Variants in ATP2A2 observed in about 807,000 individuals in gnomAD.
ATP2A2 encodes the protein ATPase sarcoplasmic/endoplasmic reticulum Ca2+ transporting 2, also known as sarcoplasmic/endoplasmic reticulum calcium ATPase 2.
ATP2A2 carries 14 observed loss-of-function variants against 109.3 expected under a neutral mutation model. That is an observed-to-expected ratio of 0.13 (90% CI 0.08 to 0.20). The LOEUF is 0.20. Among genes scored for constraint, ATP2A2 ranks in the 10% least tolerant of loss-of-function variants. The pLI, the probability that ATP2A2 is intolerant of heterozygous loss-of-function variation, is 1.00. For synonymous variants in ATP2A2, 506 were observed against 490.9 expected, an observed-to-expected ratio of 1.03 and a Z score of -0.41; for missense variants, 657 against 1,321.6, an observed-to-expected ratio of 0.50 and a Z score of 7.80.
In ATP2A2 at chr12:110,347,696, G is replaced by C. The variant is rs913930086; in HGVS notation, c.*1226G>C. ...CACCGTTACTACGATCAATGTTTGC[G>C]CATGTTCGAGATGAGTCTCACCAAC... is the stretch of plus-strand genomic sequence containing the variant. On this transcript the variant is annotated 3_prime_UTR_variant, in exon 20 of 20. Transcript: ENST00000539276. 7.7e-6 allele frequency: 9 copies of C among 1,167,246 alleles called. No homozygotes were observed. Among genetic ancestry groups the C allele is most frequent in the Non-Finnish European group, 8.6e-6 (8 of 930,576 alleles). 72.3% of individuals were successfully genotyped at this position (1,167,246 alleles called of 1,614,324 possible). A position where few individuals can be genotyped will look rare whatever the true frequency, so the allele number is the denominator to read the frequency against.
chr12:110,346,634 G>C lies in ATP2A2; in HGVS notation c.*164G>C, dbSNP rs1173274597. ...GCTTTTTCTGACTCCAGTGGGGCAAGATTTTCCTTTTTTATACACATAATT... is the reference window on the plus strand; with the variant it reads ...GCTTTTTCTGACTCCAGTGGGGCAACATTTTCCTTTTTTATACACATAATT... On this transcript the variant is annotated 3_prime_UTR_variant, in exon 20 of 20. Coordinates refer to ENST00000539276, the MANE Select transcript of ATP2A2 (RefSeq NM_170665.4). 6 of 1,471,962 alleles carry C rather than the reference G, an allele frequency of 4.1e-6. No homozygotes were observed. Among genetic ancestry groups the C allele is most frequent in the Admixed American group, 2.5e-5 (1 of 39,468 alleles). 91.2% of individuals were successfully genotyped at this position (1,471,962 alleles called of 1,614,324 possible).
rs1013261311 is a variant in ATP2A2, at chr12:110,340,224, AT to A, written c.1762-426del. 1.3e-5 allele frequency among the ~76,000 whole-genome samples: 2 copies of A among 151,408 alleles called. No homozygotes were observed. Among genetic ancestry groups the A allele is most frequent in the Non-Finnish European group, 3.0e-5 (2 of 67,790 alleles). ...ATGGTTTGATAACGGGTGTAGTGGT[AT>A]TTTTTTTTCTCATAAGAAAATGCAA... On this transcript the variant is annotated intron_variant, in intron 13 of 19. Transcript: ENST00000539276. The surrounding 1 kb of genome is among the most constrained non-coding windows in gnomAD (Gnocchi z 6.0).
intron 5 of ATP2A2, among the ~76,000 whole-genome samples, chr12:110,320,276 T>C (rs3026468): frequency 6.6e-6 from 1 of 152,116 alleles, no homozygotes; most frequent in Non-Finnish European, 1.5e-5. Context: ...GTTTATATAT[T>C]GAATTGTTTA....
chr12:110,298,411 A>G (rs1317893947), intron 5 of ATP2A2, among the ~76,000 whole-genome samples: 3 of 152,186 alleles, frequency 2.0e-5, no homozygotes, highest in Non-Finnish European at 2.9e-5. Flanking sequence ...TGTCTTGGCT[A>G]TTGGATTTTT....
Position 110,343,382 on chromosome 12 carries a change from A to T in ATP2A2, c.2469A>T (p.Pro823=). 1 of 1,614,214 alleles carries T rather than the reference A, an allele frequency of 6.2e-7. No homozygotes were observed. ...LDIMNKPPRN[P]KEPLISGWLF... is the part of the protein sequence containing the mutation. ...TCATGAATAAACCTCCCCGGAACCCAAAGGAACCATTGATCAGCGGGTGGC... is the reference window on the plus strand; with the variant it reads ...TCATGAATAAACCTCCCCGGAACCCTAAGGAACCATTGATCAGCGGGTGGC... The change falls in exon 16 of 20, where the codon CCA becomes CCT. Residue 823 remains proline (P), a synonymous_variant. Transcript: ENST00000539276.
intron 5 of ATP2A2, among the ~76,000 whole-genome samples, chr12:110,317,299 C>T (rs534657390): frequency 3.7e-4 from 57 of 152,196 alleles, no homozygotes; most frequent in African/African-American, 1.1e-3. Flanking sequence ...TAGTGTTTTT[C>T]TTATAAAAGA....
intron 5 of ATP2A2, among the ~76,000 whole-genome samples, chr12:110,309,807 G>A (rs1875811526): frequency 6.6e-6 from 1 of 151,970 alleles, no homozygotes; most frequent in African/African-American, 2.4e-5. Context: ...TTGAAAAGCT[G>A]AGGTGGGAGG....
chr12:110,349,278 A>G lies in ATP2A2; in HGVS notation c.*2808A>G. 1 of 985,434 alleles carries G rather than the reference A, an allele frequency of 1.0e-6. No individual in the cohort carries two copies. Among genetic ancestry groups the G allele is most frequent in the Non-Finnish European group, 1.2e-6 (1 of 829,970 alleles). 61.0% of individuals were successfully genotyped at this position (985,434 alleles called of 1,614,324 possible). On this transcript the variant is annotated 3_prime_UTR_variant, in exon 20 of 20. Transcript: ENST00000539276. ...CCCTGGCCTCAGGCCCTCACCTAAC[A>G]GTGAGGCAGCAGCTGCCCAGCCCCG...
In ATP2A2 at chr12:110,340,563, C is replaced by G; in HGVS notation, c.1762-96C>G. 1.5e-6 allele frequency: 2 copies of G among 1,340,514 alleles called. No homozygotes were observed. The highest frequency in any genetic ancestry group is 2.1e-6 in the Non-Finnish European group (2 of 961,266). 83.0% of individuals were successfully genotyped at this position (1,340,514 alleles called of 1,614,324 possible). A position where few individuals can be genotyped will look rare whatever the true frequency, so the allele number is the denominator to read the frequency against. ...CAAAAAAAAAAAAAGAAAAAAAATGCAGAAACCTGTCTCAATGTTTAACTG... is the reference window on the plus strand; with the variant it reads ...CAAAAAAAAAAAAAGAAAAAAAATGGAGAAACCTGTCTCAATGTTTAACTG... On this transcript the variant is annotated intron_variant, in intron 13 of 19. Transcript: ENST00000539276. This position sits in a 1 kb window ranked among gnomAD's most constrained non-coding sequence, Gnocchi z 6.0.
chr12:110,285,871 T>C (rs1872604152), intron 3 of ATP2A2, among the ~76,000 whole-genome samples: 1 of 152,014 alleles, frequency 6.6e-6, no homozygotes. Context: ...ACCATTTGCA[T>C]GTGTGTGTCT....
intron 6 of ATP2A2, among the ~76,000 whole-genome samples, chr12:110,323,559 C>G (rs1340377510): frequency 1.3e-5 from 2 of 152,014 alleles, no homozygotes; most frequent in Admixed American, 6.6e-5. Context: ...CATGTAATTC[C>G]AACACTTTGG....
At chr12:110,334,242 AC>A (rs1211991192) in intron 11 of ATP2A2, 99 bp downstream of exon 11, 1 of 1,418,446 alleles carries the variant, frequency 7.0e-7, no homozygotes, top group African/African-American at 1.4e-5. Context: ...AACTAATTAT[AC>A]CTTATCTCCT....
At chr12:110,291,312 T>C (rs1485014817) in intron 3 of ATP2A2, among the ~76,000 whole-genome samples, 2 of 152,018 alleles carry the variant, frequency 1.3e-5, no homozygotes, top group African/African-American at 4.8e-5. Flanking sequence ...CAAGTGATTC[T>C]CTTGCCTCAG....
intron 18 of ATP2A2, 146 bp downstream of exon 18, chr12:110,345,528 G>A: frequency 7.9e-7 from 1 of 1,262,732 alleles, no homozygotes; most frequent in Non-Finnish European, 1.1e-6. Flanking sequence ...AGTTTTAAAA[G>A]CATGAGCTGT....
chr12:110,286,315 CAGAAG>C (rs1160348130), intron 3 of ATP2A2, among the ~76,000 whole-genome samples: 1 of 152,048 alleles, frequency 6.6e-6, no homozygotes, highest in Non-Finnish European at 1.5e-5. Flanking sequence ...TGTAGTTTCT[CAGAAG>C]AGAATACTCA....
intron 6 of ATP2A2, chr12:110,326,048 A>C: frequency 3.0e-6 from 1 of 336,052 alleles, no homozygotes; most frequent in South Asian, 2.9e-5. Flanking sequence ...CAACAAATAT[A>C]TGTAAATAAT....
At chr12:110,343,481 T>A in intron 16 of ATP2A2, 47 bp downstream of exon 16, 1 of 1,602,030 alleles carries the variant, frequency 6.2e-7, no homozygotes, top group Non-Finnish European at 8.6e-7. Context: ...AAAATGTTTG[T>A]GAGCTGAAAT....
chr12:110,295,041 A>G (rs1421674970), intron 4 of ATP2A2, among the ~76,000 whole-genome samples: 1 of 151,670 alleles, frequency 6.6e-6, no homozygotes, highest in Non-Finnish European at 1.5e-5. Context: ...CTGGTCTCGC[A>G]CTCCCAACCT....
chr12:110,285,672 G>A (rs1872582035), intron 3 of ATP2A2, among the ~76,000 whole-genome samples: 1 of 152,192 alleles, frequency 6.6e-6, no homozygotes, highest in Non-Finnish European at 1.5e-5. Context: ...AGATCTGAAG[G>A]AGGTGGGCAT....
Sources: gnomAD v4.1 joint callset for allele counts (sites outside exome capture counted in the v4.1 genomes callset) on GRCh38, gnomAD v4.1.1 for gene constraint, Gnocchi (gnomAD v3.1) non-coding constraint, MANE v1.5 for transcripts, NCBI Gene and HGNC (gene_info 2026-07-23, HGNC 2026-07-21) for gene names.